Variants in SOX5 observed in about 807,000 individuals in gnomAD.
SOX5 encodes transcription factor SOX-5.
Under a neutral mutation model 92.0 loss-of-function variants are expected in SOX5, and 9 were observed. The ratio of observed to expected loss-of-function variants is 0.10; its 90% CI spans 0.06 to 0.17. The LOEUF (loss-of-function observed/expected upper bound fraction) is 0.17. Ranked by LOEUF, SOX5 falls within the 10% of genes least tolerant of loss-of-function variation. SOX5 has a pLI of 1.00. For missense variants in SOX5, 642 were observed against 944.5 expected (o/e 0.68, Z 4.20); for synonymous variants, 344 against 336.3 (o/e 1.02, Z -0.25).
At chr12:24,082,109 TA>T (rs976210659) in intron 4 of SOX5, among the ~76,000 whole-genome samples, 3 of 151,896 alleles carry the variant, frequency 2.0e-5, no homozygotes, top group Non-Finnish European at 2.9e-5. Context: ...CGAGCATGTG[TA>T]ACAAAGCAGA....
chr12:23,552,249 A>T (rs1944347330), intron 11 of SOX5, among the ~76,000 whole-genome samples: 1 of 151,928 alleles, frequency 6.6e-6, no homozygotes, highest in African/African-American at 2.4e-5. Context: ...GGGGCTACCT[A>T]TAAAGATTAG....
chr12:24,413,380 T>A (rs1361071690), intron 1 of SOX5, among the ~76,000 whole-genome samples: 2 of 152,212 alleles, frequency 1.3e-5, no homozygotes, highest in African/African-American at 4.8e-5. Flanking sequence ...CCCACTTTCT[T>A]TGTATTAATG....
At chr12:24,240,347 C>G (rs1055391541) in intron 3 of SOX5, among the ~76,000 whole-genome samples, 2 of 152,162 alleles carry the variant, frequency 1.3e-5, no homozygotes, top group South Asian at 4.1e-4. Flanking sequence ...TTTGTCAATA[C>G]TGATGCTGAA....
intron 3 of SOX5, among the ~76,000 whole-genome samples, chr12:24,219,831 CAAG>C (rs2139779468): frequency 6.6e-6 from 1 of 152,126 alleles, no homozygotes; most frequent in South Asian, 2.1e-4. Context: ...AAAAAGTTCT[CAAG>C]CACTTATTAT....
chr12:24,372,395 G>A (rs1283470053), intron 1 of SOX5, among the ~76,000 whole-genome samples: 2 of 152,126 alleles, frequency 1.3e-5, no homozygotes. Flanking sequence ...TTGGCTTTCT[G>A]TTCCTGTGTT....
chr12:24,429,586 T>C (rs1348136341), intron 1 of SOX5, among the ~76,000 whole-genome samples: 3 of 151,744 alleles, frequency 2.0e-5, no homozygotes, highest in African/African-American at 7.3e-5. Flanking sequence ...TGTTGCTTTC[T>C]AAGCTATTTT....
intron 3 of SOX5, among the ~76,000 whole-genome samples, chr12:23,816,963 C>T (rs2096008086): frequency 6.6e-6 from 1 of 152,148 alleles, no homozygotes; most frequent in African/African-American, 2.4e-5. Flanking sequence ...TCCCCTCATG[C>T]AGAAATATTT....
chr12:23,696,961 T>G (rs761261737), intron 6 of SOX5, among the ~76,000 whole-genome samples: 1 of 152,172 alleles, frequency 6.6e-6, no homozygotes, highest in South Asian at 2.1e-4. Flanking sequence ...AAACATGGTT[T>G]AAATTATTTC....
intron 1 of SOX5, among the ~76,000 whole-genome samples, chr12:23,907,724 C>G (rs773359809): frequency 2.0e-5 from 3 of 148,902 alleles, no homozygotes; most frequent in Non-Finnish European, 4.5e-5. Context: ...ATGGATAACA[C>G]TGGTCAGGTG....
intron 2 of SOX5, among the ~76,000 whole-genome samples, chr12:23,873,242 T>C (rs1306454663): frequency 1.3e-5 from 2 of 152,136 alleles, no homozygotes; most frequent in African/African-American, 4.8e-5. Flanking sequence ...GGCAGACAGA[T>C]TGCTTGAGCC....
chr12:24,347,440 A>T (rs1314600060), intron 2 of SOX5, among the ~76,000 whole-genome samples: 1 of 152,162 alleles, frequency 6.6e-6, no homozygotes, highest in Non-Finnish European at 1.5e-5. Context: ...ATTACCTCAC[A>T]TGCTTATTTT....
chr12:23,940,549 C>A (rs1195899657), intron 1 of SOX5, among the ~76,000 whole-genome samples: 1 of 151,176 alleles, frequency 6.6e-6, no homozygotes, highest in Non-Finnish European at 1.5e-5. Flanking sequence ...ATCCTATCTT[C>A]TAATTTTACA....
chr12:24,548,981 C>G (rs1952904116), intron 1 of SOX5, among the ~76,000 whole-genome samples: 1 of 152,210 alleles, frequency 6.6e-6, no homozygotes, highest in Admixed American at 6.5e-5. Flanking sequence ...TCATCTCCAT[C>G]TATTTCCCTT....
At chr12:23,606,420 A>G (rs1205474218) in intron 8 of SOX5, among the ~76,000 whole-genome samples, 4 of 151,686 alleles carry the variant, frequency 2.6e-5, no homozygotes. Context: ...TTCGTTATAC[A>G]CTAAAAATGA....
intron 4 of SOX5, among the ~76,000 whole-genome samples, chr12:23,999,260 T>C (rs1276503971): frequency 6.6e-6 from 1 of 151,274 alleles, no homozygotes; most frequent in Non-Finnish European, 1.5e-5. Flanking sequence ...AAAAAATGAA[T>C]GCTTAGAAGC....
chr12:24,174,064 C>G (rs1414614813), intron 4 of SOX5, among the ~76,000 whole-genome samples: 1 of 151,852 alleles, frequency 6.6e-6, no homozygotes, highest in Non-Finnish European at 1.5e-5. Context: ...GTGGTATAAT[C>G]TCGGCTCACT....
chr12:23,820,112 T>C (rs977454560), intron 3 of SOX5, among the ~76,000 whole-genome samples: 1 of 152,224 alleles, frequency 6.6e-6, no homozygotes, highest in South Asian at 2.1e-4. Context: ...GACTTTTTAA[T>C]GATCACCATT....
At chr12:24,284,407 T>C (rs1945582006) in intron 2 of SOX5, among the ~76,000 whole-genome samples, 1 of 140,418 alleles carries the variant, frequency 7.1e-6, no homozygotes, top group African/African-American at 2.6e-5. Context: ...GTAAGGAGAA[T>C]GTGGGAGGCA....
chr12:24,267,130 G>A (rs942843009), intron 3 of SOX5, among the ~76,000 whole-genome samples: 2 of 152,170 alleles, frequency 1.3e-5, no homozygotes, highest in African/African-American at 2.4e-5. Flanking sequence ...GGAGGCTGAG[G>A]TGGGAGGAAC....
Sources: gnomAD v4.1 joint callset for allele counts (sites outside exome capture counted in the v4.1 genomes callset) on GRCh38, gnomAD v4.1.1 for gene constraint, MANE v1.5 for transcripts, NCBI Gene and HGNC (gene_info 2026-07-23, HGNC 2026-07-21) for gene names.